The following CREBRF variants were observed in gnomAD, a reference collection of about 807,000 sequenced individuals.
CREBRF encodes UPF0474 protein C5orf41.
In CREBRF, 5 loss-of-function variants were observed where a neutral mutation model predicts 66.1. The observed-to-expected ratio is 0.08, with a 90% confidence interval of 0.04 to 0.16. CREBRF has a LOEUF of 0.16. Among genes scored for constraint, CREBRF ranks in the 10% least tolerant of loss-of-function variants. The probability of loss-of-function intolerance (pLI) is 1.00; values close to 1 mark genes in which losing one functional copy is unlikely to be tolerated. For synonymous variants in CREBRF, 229 were observed against 264.4 expected (o/e 0.87, Z 1.30); for missense variants, 531 against 744.9 (o/e 0.71, Z 3.34).
intron 4 of CREBRF, among the ~76,000 whole-genome samples, chr5:173,095,355 A>AT (rs370302833): frequency 7.9e-5 from 12 of 151,242 alleles, no homozygotes; most frequent in African/African-American, 2.7e-4. Context: ...CGCCCAGCTA[A>AT]TTTTTTTGTA....
At chr5:173,058,928 T>G (rs1238182637) in intron 1 of CREBRF, among the ~76,000 whole-genome samples, 2 of 151,400 alleles carry the variant, frequency 1.3e-5, no homozygotes, top group South Asian at 4.2e-4. Flanking sequence ...CCCGAGTAGC[T>G]GCGACTACAG....
intron 4 of CREBRF, among the ~76,000 whole-genome samples, chr5:173,108,293 A>T (rs2113769667): frequency 6.6e-6 from 1 of 152,300 alleles, no homozygotes; most frequent in East Asian, 1.9e-4. Context: ...GGTACTTTTG[A>T]TATTCCTATA....
chr5:173,091,595 G>A, intron 4 of CREBRF, 194 bp downstream of exon 4: 1 of 1,337,402 alleles, frequency 7.5e-7, no homozygotes, highest in Non-Finnish European at 9.6e-7. Flanking sequence ...GCTCACATAG[G>A]GATTCATAAG....
chr5:173,120,681 C>CTCT, intron 7 of CREBRF, among the ~76,000 whole-genome samples: 1 of 122,260 alleles, frequency 8.2e-6, no homozygotes, highest in African/African-American at 3.0e-5. Context: ...GTGCCTGAGC[C>CTCT]TCTTTTTTTT....
At chr5:173,117,526 T>TCCCCTCCCCC (rs1561814537) in intron 7 of CREBRF, among the ~76,000 whole-genome samples, 1 of 38,378 alleles carries the variant, frequency 2.6e-5, no homozygotes, top group Non-Finnish European at 4.9e-5. Flanking sequence ...TTCCCTCCCC[T>TCCCCTCCCCC]CCCCTCTCCT....
intron 6 of CREBRF, among the ~76,000 whole-genome samples, chr5:173,110,975 T>G (rs1758856420): frequency 6.6e-6 from 1 of 152,212 alleles, no homozygotes. Context: ...ATTTTTTGTT[T>G]GCTTTTTTAG....
intron 7 of CREBRF, among the ~76,000 whole-genome samples, chr5:173,121,881 G>A (rs2113793460): frequency 6.6e-6 from 1 of 152,084 alleles, no homozygotes; most frequent in Middle Eastern, 3.4e-3. Context: ...TTGGAGATGG[G>A]GTCTCACTGT....
At chr5:173,089,308 C>T (rs1381580567) in intron 3 of CREBRF, among the ~76,000 whole-genome samples, 2 of 151,860 alleles carry the variant, frequency 1.3e-5, no homozygotes, top group Non-Finnish European at 2.9e-5. Flanking sequence ...TGTGCCTCCA[C>T]CTTCCAAACC....
Position 173,120,385 on chromosome 5 carries a change from C to CTT in CREBRF, c.1682-2684_1682-2683dup, listed in dbSNP as rs567092558. Among the ~76,000 whole-genome samples, 13 of 144,192 alleles carry CTT rather than the reference C, an allele frequency of 9.0e-5. No individual in the cohort carries two copies. The South Asian group carries it at 2.2e-3, about 24-fold the overall frequency. 94.6% of individuals were successfully genotyped at this position (144,192 alleles called of 152,430 possible). On this transcript the variant is annotated intron_variant, in intron 7 of 8. Coordinates refer to ENST00000296953, the MANE Select transcript of CREBRF (RefSeq NM_153607.3). ...GGATTTTCTTTTTCTTTCTTTCTTTCTTTTTTTTTTTTGAGACAGTATCTC... is the reference window on the plus strand; with the variant it reads ...GGATTTTCTTTTTCTTTCTTTCTTTCTTTTTTTTTTTTTTGAGACAGTATCTC...
At chr5:173,065,587 A>ACCTC (rs1757410551) in intron 1 of CREBRF, among the ~76,000 whole-genome samples, 1 of 136,172 alleles carries the variant, frequency 7.3e-6, no homozygotes, top group African/African-American at 2.8e-5. Context: ...CGTTTATTTC[A>ACCTC]CCTCCCACCC....
chr5:173,121,476 C>A (rs1030177247), intron 7 of CREBRF, among the ~76,000 whole-genome samples: 1 of 152,102 alleles, frequency 6.6e-6, no homozygotes, highest in Non-Finnish European at 1.5e-5. Flanking sequence ...GCACCTGCCA[C>A]CACGCCCAAC....
intron 3 of CREBRF, among the ~76,000 whole-genome samples, chr5:173,089,483 T>G (rs150486692): frequency 1.3e-5 from 2 of 152,118 alleles, no homozygotes; most frequent in African/African-American, 4.8e-5. Context: ...TATTTGTACA[T>G]TAGAGCTATG....
rs541667756 is a variant in CREBRF, at chr5:173,119,134, G to T, written c.1682-3946G>T. ...TTAGACCTCCAATTTTGCTCTTTTT[G>T]TTTAAATCTGTTTTGGCTATTACAG... On this transcript the variant is annotated intron_variant, in intron 7 of 8. Transcript: ENST00000296953. 5.9e-5 allele frequency among the ~76,000 whole-genome samples: 9 copies of T among 152,172 alleles called. No individual in the cohort carries two copies. The South Asian group carries it at 1.9e-3, about 32-fold the overall frequency.
Position 173,138,544 on chromosome 5 carries a change from G to GT in CREBRF, c.*4799_*4800insT, listed in dbSNP as rs1455574005. ...AACAGTATTTTGGAATTGAAGACTT[G>GT]GTAACTAGTGAAGAACATCAAAGTT... is the stretch of plus-strand genomic sequence containing the variant. On this transcript the variant is annotated 3_prime_UTR_variant, in exon 9 of 9. Transcript: ENST00000296953. 1 of 152,062 alleles carries GT rather than the reference G, an allele frequency of 6.6e-6. No homozygotes were observed. Among genetic ancestry groups the GT allele is most frequent in the Non-Finnish European group, 1.5e-5 (1 of 67,998 alleles). 9.4% of individuals were successfully genotyped at this position (152,062 alleles called of 1,614,324 possible). A position where few individuals can be genotyped will look rare whatever the true frequency, so the allele number is the denominator to read the frequency against.
intron 8 of CREBRF, among the ~76,000 whole-genome samples, chr5:173,129,149 C>A (rs535253227): frequency 4.4e-4 from 49 of 110,866 alleles, no homozygotes; most frequent in African/African-American, 1.6e-3. Context: ...CGGAGTCTCG[C>A]TCTATTGCCC....
intron 1 of CREBRF, among the ~76,000 whole-genome samples, chr5:173,059,878 C>G (rs1757215165): frequency 6.6e-6 from 1 of 152,128 alleles, no homozygotes; most frequent in South Asian, 2.1e-4. Flanking sequence ...TAAATAGCTC[C>G]CGAAGAGAGT....
chr5:173,059,232 G>A (rs1276920384), intron 1 of CREBRF, among the ~76,000 whole-genome samples: 2 of 148,346 alleles, frequency 1.3e-5, no homozygotes, highest in Middle Eastern at 3.2e-3. Flanking sequence ...AAGGGTATTA[G>A]CTTATTTATC....
chr5:173,059,515 T>C (rs1302436942), intron 1 of CREBRF, among the ~76,000 whole-genome samples: 2 of 152,034 alleles, frequency 1.3e-5, no homozygotes, highest in East Asian at 3.9e-4. Flanking sequence ...CTGCCTGCCT[T>C]GGCCTCCCAA....
rs1561814660 is a variant in CREBRF, at chr5:173,117,607, C to CCTTCCTTCCT, written c.1681+5228_1681+5229insCTTCCTTCCT. On this transcript the variant is annotated intron_variant, in intron 7 of 8. Coordinates refer to ENST00000296953, the MANE Select transcript of CREBRF (RefSeq NM_153607.3). The stretch of plus-strand genomic sequence containing the variant: ...CTTCCTTCCTTCCTTCCTTCCATCC[C>CCTTCCTTCCT]TCCCTCCCTCCCTCACTCCCTCCCT... Among the ~76,000 whole-genome samples the CCTTCCTTCCT allele has an allele frequency of 9.7e-5, 5 of 51,674 alleles. 1 individual carries two copies. The highest frequency in any genetic ancestry group is 2.4e-4 in the Non-Finnish European group (5 of 20,470). The allele number at this position is 51,674 out of a possible 152,430, so 33.9% of individuals were successfully genotyped here. A position where few individuals can be genotyped will look rare whatever the true frequency, so the allele number is the denominator to read the frequency against.
Sources: gnomAD v4.1 joint callset for allele counts (sites outside exome capture counted in the v4.1 genomes callset) on GRCh38, gnomAD v4.1.1 for gene constraint, MANE v1.5 for transcripts, NCBI Gene and HGNC (gene_info 2026-07-23, HGNC 2026-07-21) for gene names.